The following ADGRL2 variants were observed in gnomAD, a reference collection of about 807,000 sequenced individuals.
ADGRL2 encodes adhesion G protein-coupled receptor L2.
ADGRL2 carries 44 observed loss-of-function variants against 157.4 expected under a neutral mutation model. The ratio of observed to expected loss-of-function variants is 0.28; its 90% CI spans 0.22 to 0.36. The LOEUF (loss-of-function observed/expected upper bound fraction) is 0.36. ADGRL2 is among the 10% of genes least tolerant of loss of function. The pLI, the probability that ADGRL2 is intolerant of heterozygous loss-of-function variation, is 1.00. For synonymous variants in ADGRL2, 585 were observed against 624.7 expected, an observed-to-expected ratio of 0.94 and a Z score of 0.95; for missense variants, 1,510 against 1,768.9, an observed-to-expected ratio of 0.85 and a Z score of 2.63.
chr1:81,635,404 A>T (rs917012177), intron 3 of ADGRL2, among the ~76,000 whole-genome samples: 1 of 152,102 alleles, frequency 6.6e-6, no homozygotes, highest in Non-Finnish European at 1.5e-5. Flanking sequence ...ACTTCTCTCA[A>T]ACCTTTGCAT....
chr1:81,935,466 TA>T (rs2095296776), intron 3 of ADGRL2, among the ~76,000 whole-genome samples: 1 of 151,980 alleles, frequency 6.6e-6, no homozygotes, highest in South Asian at 2.1e-4. Flanking sequence ...AGAGAAAGTC[TA>T]GTTTTGAGTT....
chr1:81,663,907 G>A (rs985610511), intron 3 of ADGRL2, among the ~76,000 whole-genome samples: 1 of 152,106 alleles, frequency 6.6e-6, no homozygotes, highest in East Asian at 1.9e-4. Context: ...GGTGGATAAA[G>A]GCTGTTTAGT....
intron 18 of ADGRL2, among the ~76,000 whole-genome samples, chr1:81,981,449 A>T (rs17107618): frequency 6.6e-6 from 1 of 151,950 alleles, no homozygotes; most frequent in Admixed American, 6.6e-5. Context: ...TGAGTACACC[A>T]TAGGAATAAA....
intron 3 of ADGRL2, among the ~76,000 whole-genome samples, chr1:81,909,516 C>T (rs1262233438): frequency 6.6e-6 from 1 of 152,138 alleles, no homozygotes; most frequent in East Asian, 1.9e-4. Flanking sequence ...CACTTTCTGG[C>T]TTTTCTTCCT....
chr1:81,685,445 T>A (rs1009245615), intron 3 of ADGRL2, among the ~76,000 whole-genome samples: 5 of 152,180 alleles, frequency 3.3e-5, no homozygotes, highest in Admixed American at 3.3e-4. Flanking sequence ...TGGTTGCTGC[T>A]GGTGTATAGA....
In ADGRL2 at chr1:81,764,178, C is replaced by T. The variant is rs566262042; in HGVS notation, c.-101+2326C>T. ...CTGCACTCCAGCTTGGGTGACAGAG[C>T]GAGACTCTGTCAAAAAAAAAAAAAA... On this transcript the variant is annotated intron_variant, in intron 2 of 20. Coordinates refer to the ADGRL2 transcript ENST00000359929. Among the ~76,000 whole-genome samples the T allele has an allele frequency of 1.4e-4, 16 of 113,678 alleles. No homozygotes were observed. In the South Asian group the frequency reaches 4.3e-3, roughly 31 times the overall value. The allele number at this position is 113,678 out of a possible 152,430, so 74.6% of individuals were successfully genotyped here. A position where few individuals can be genotyped will look rare whatever the true frequency, so the allele number is the denominator to read the frequency against.
At chr1:81,445,507 G>A (rs1424948852) in intron 2 of ADGRL2, among the ~76,000 whole-genome samples, 3 of 152,164 alleles carry the variant, frequency 2.0e-5, no homozygotes, top group African/African-American at 7.2e-5. Flanking sequence ...AGTAGGATGA[G>A]GTACAAAATA....
At chr1:81,477,882 A>G (rs1203352344) in intron 2 of ADGRL2, among the ~76,000 whole-genome samples, 3 of 152,140 alleles carry the variant, frequency 2.0e-5, no homozygotes, top group Non-Finnish European at 2.9e-5. Flanking sequence ...ACATTTTTGA[A>G]TGATCCATCA....
intron 1 of ADGRL2, among the ~76,000 whole-genome samples, chr1:81,360,020 A>C (rs1011787972): frequency 1.3e-5 from 2 of 151,950 alleles, no homozygotes; most frequent in African/African-American, 2.4e-5. Flanking sequence ...AAAACAATCG[A>C]ATTGTGTCAG....
intron 2 of ADGRL2, among the ~76,000 whole-genome samples, chr1:81,528,166 G>A (rs757334853): frequency 2.6e-5 from 4 of 152,130 alleles, no homozygotes; most frequent in Admixed American, 2.0e-4. Flanking sequence ...TCAACCTCCC[G>A]ACCTCCAGAA....
At chr1:81,920,595 G>T (rs2094955114) in intron 3 of ADGRL2, among the ~76,000 whole-genome samples, 1 of 152,092 alleles carries the variant, frequency 6.6e-6, no homozygotes, top group African/African-American at 2.4e-5. Flanking sequence ...CTTCATTTCA[G>T]GGACATCTCT....
At chr1:81,962,468 C>T (rs1315448510) in intron 11 of ADGRL2, among the ~76,000 whole-genome samples, 1 of 151,978 alleles carries the variant, frequency 6.6e-6, no homozygotes, top group Non-Finnish European at 1.5e-5. Flanking sequence ...TAAAAGGAAT[C>T]TGTTGTTTTA....
intron 1 of ADGRL2, among the ~76,000 whole-genome samples, chr1:81,312,354 T>C (rs1419749829): frequency 6.6e-6 from 1 of 152,166 alleles, no homozygotes; most frequent in Non-Finnish European, 1.5e-5. Flanking sequence ...CAAGTTACAA[T>C]GATCGCCAGC....
intron 1 of ADGRL2, among the ~76,000 whole-genome samples, chr1:81,424,174 C>T (rs1172366587): frequency 2.0e-5 from 3 of 152,122 alleles, no homozygotes; most frequent in Non-Finnish European, 4.4e-5. Flanking sequence ...TCCTGAGCTC[C>T]AATGTCAGAG....
intron 3 of ADGRL2, among the ~76,000 whole-genome samples, chr1:81,924,420 A>G (rs753935400): frequency 6.6e-6 from 1 of 152,164 alleles, no homozygotes; most frequent in Non-Finnish European, 1.5e-5. Flanking sequence ...CATAGATATC[A>G]AGATTCTCAA....
intron 2 of ADGRL2, among the ~76,000 whole-genome samples, chr1:81,523,930 T>C (rs2079386751): frequency 6.6e-6 from 1 of 151,740 alleles, no homozygotes; most frequent in Non-Finnish European, 1.5e-5. Context: ...CTGGGTGTGG[T>C]GACAGGAGCT....
chr1:81,451,015 T>A (rs1168739867), intron 2 of ADGRL2, among the ~76,000 whole-genome samples: 1 of 152,132 alleles, frequency 6.6e-6, no homozygotes, highest in African/African-American at 2.4e-5. Context: ...TTAAGGCCAG[T>A]TTACTTCCTA....
chr1:81,952,815 A>C (rs538048494), intron 9 of ADGRL2, among the ~76,000 whole-genome samples, 172 bp from the exon 10 acceptor site: 4 of 152,238 alleles, frequency 2.6e-5, no homozygotes, highest in African/African-American at 9.6e-5. Flanking sequence ...AAATAGAATA[A>C]AAAACTGTAA....
intron 3 of ADGRL2, among the ~76,000 whole-genome samples, chr1:81,633,831 T>A (rs1557522835): frequency 6.6e-6 from 1 of 152,108 alleles, no homozygotes; most frequent in African/African-American, 2.4e-5. Context: ...AACATTTATC[T>A]CTACCACCAT....
Sources: gnomAD v4.1 joint callset for allele counts (sites outside exome capture counted in the v4.1 genomes callset) on GRCh38, gnomAD v4.1.1 for gene constraint, MANE v1.5 for transcripts, NCBI Gene and HGNC (gene_info 2026-07-23, HGNC 2026-07-21) for gene names.